Variants in FHOD3 observed in about 807,000 individuals in gnomAD.
The protein encoded by FHOD3 is FH1/FH2 domain-containing protein 3.
In FHOD3, 90 loss-of-function variants were observed where a neutral mutation model predicts 173.0. The ratio of observed to expected loss-of-function variants is 0.52; its 90% confidence interval spans 0.44 to 0.62. The LOEUF is 0.62. FHOD3 is among the 20% of genes least tolerant of loss of function. FHOD3 has a pLI of 0.00. For missense variants in FHOD3, 1,945 were observed against 2,034.7 expected (o/e 0.96, Z 0.85); for synonymous variants, 828 against 823.0 (o/e 1.01, Z -0.10).
At chr18:36,626,349 A>G (rs2034107102) in intron 10 of FHOD3, among the ~76,000 whole-genome samples, 1 of 152,224 alleles carries the variant, frequency 6.6e-6, no homozygotes, top group African/African-American at 2.4e-5. Flanking sequence ...TTTGAGCCTC[A>G]CGTTTGGGCT....
At chr18:36,451,368 C>T (rs2051832474) in intron 3 of FHOD3, among the ~76,000 whole-genome samples, 1 of 152,180 alleles carries the variant, frequency 6.6e-6, no homozygotes, top group African/African-American at 2.4e-5. Flanking sequence ...GAAGCCAGTA[C>T]CAGTTAAAGA....
In FHOD3 at chr18:36,488,919, A is replaced by G. The variant is rs61333359; in HGVS notation, c.338-13013A>G. ...AGATGAAGTAGAGAAAATGGCCCCC[A>G]AGAGCAGGTGGGAGACAGGTTCAGG... On this transcript the variant is annotated intron_variant, in intron 3 of 28. Coordinates refer to ENST00000590592, the MANE Select transcript of FHOD3 (RefSeq NM_001281740.3). Among the ~76,000 whole-genome samples, 467 of 152,254 alleles carry G rather than the reference A, an allele frequency of 3.1e-3. 2 individuals carry two copies. The highest frequency in any genetic ancestry group is 0.011 in the African/African-American group (452 of 41,544).
chr18:36,363,819 A>G (rs1316461582), intron 2 of FHOD3, among the ~76,000 whole-genome samples: 2 of 149,120 alleles, frequency 1.3e-5, no homozygotes, highest in Non-Finnish European at 1.5e-5. Context: ...TAATGTGTCA[A>G]TATCAGTTAA....
rs990777267 is a variant in FHOD3, at chr18:36,707,240, T to C, written c.2237-1855T>C. On this transcript the variant is annotated intron_variant, in intron 17 of 28. Coordinates refer to ENST00000590592, the MANE Select transcript of FHOD3 (RefSeq NM_001281740.3). ...TCCAGTTCCTAAAGCCTTCCCCTCT[T>C]GGGATGCCCAGGAGGGACAGCCCCT... Among the ~76,000 whole-genome samples the C allele has an allele frequency of 3.9e-5, 6 of 152,152 alleles. No individual in the cohort carries two copies. In the South Asian group the frequency reaches 1.0e-3, roughly 26 times the overall value.
chr18:36,765,984 A>G (rs567531102), intron 27 of FHOD3, among the ~76,000 whole-genome samples: 1 of 152,128 alleles, frequency 6.6e-6, no homozygotes, highest in African/African-American at 2.4e-5. Flanking sequence ...GAAACTTAGG[A>G]AATCCAAGAA....
At chr18:36,618,996 T>A (rs1482573524) in intron 9 of FHOD3, among the ~76,000 whole-genome samples, 1 of 152,214 alleles carries the variant, frequency 6.6e-6, no homozygotes, top group East Asian at 1.9e-4. Flanking sequence ...ATATTCACCC[T>A]AGTGAAGTCA....
At chr18:36,528,688 C>T (rs2056641918) in intron 5 of FHOD3, among the ~76,000 whole-genome samples, 1 of 152,216 alleles carries the variant, frequency 6.6e-6, no homozygotes, top group South Asian at 2.1e-4. Flanking sequence ...ACGCCAGCGC[C>T]ACACGCACAG....
chr18:36,630,189 T>C (rs2034410237), intron 10 of FHOD3, among the ~76,000 whole-genome samples: 2 of 152,166 alleles, frequency 1.3e-5, no homozygotes, highest in Non-Finnish European at 2.9e-5. Context: ...TGGGTCAAAA[T>C]TGACTCTTTT....
At chr18:36,411,987 A>T (rs73418964) in intron 3 of FHOD3, among the ~76,000 whole-genome samples, 99 of 152,356 alleles carry the variant, frequency 6.5e-4, no homozygotes, top group African/African-American at 2.3e-3. Flanking sequence ...CTGGTGGCCC[A>T]TCTGCAGAGC....
In FHOD3 at chr18:36,595,693, C is replaced by T. The variant is rs538868613; in HGVS notation, c.718+795C>T. Reference sequence around the variant, plus strand: ...CAGCAGGCATGCTGCAAACACGTGGCGAAGAACGAGCTTCTGCTCTGGTTT... The same window carrying T: ...CAGCAGGCATGCTGCAAACACGTGGTGAAGAACGAGCTTCTGCTCTGGTTT... On this transcript the variant is annotated intron_variant, in intron 7 of 28. Transcript: ENST00000590592. 8.5e-5 allele frequency among the ~76,000 whole-genome samples: 13 copies of T among 152,308 alleles called. No homozygotes were observed. In the South Asian group the frequency reaches 1.7e-3, roughly 19 times the overall value.
At chr18:36,585,252 T>C (rs1019876407) in intron 6 of FHOD3, among the ~76,000 whole-genome samples, 43 of 152,344 alleles carry the variant, frequency 2.8e-4, no homozygotes, top group African/African-American at 1.0e-3. Flanking sequence ...TTATATTCGA[T>C]GAGATTTCTA....
At chr18:36,769,485 T>C in intron 28 of FHOD3, 59 bp downstream of exon 28, 1 of 1,561,162 alleles carries the variant, frequency 6.4e-7, no homozygotes, top group Non-Finnish European at 8.7e-7. Flanking sequence ...CCTCCCATTC[T>C]ACGTGAACTG....
At chr18:36,369,132 T>C (rs1051809560) in intron 2 of FHOD3, among the ~76,000 whole-genome samples, 2 of 152,168 alleles carry the variant, frequency 1.3e-5, no homozygotes, top group African/African-American at 2.4e-5. Context: ...AGTATGCCTG[T>C]GATTCTTTAA....
intron 1 of FHOD3, among the ~76,000 whole-genome samples, chr18:36,323,934 T>C (rs993233429): frequency 2.6e-5 from 4 of 152,338 alleles, no homozygotes; most frequent in Admixed American, 1.3e-4. Flanking sequence ...CCAGAACTTG[T>C]AGGGTCAAGA....
chr18:36,656,029 T>A (rs139625714), intron 13 of FHOD3, among the ~76,000 whole-genome samples: 4 of 152,348 alleles, frequency 2.6e-5, no homozygotes, highest in Admixed American at 6.5e-5. Context: ...GATGACAAGC[T>A]GAGCATCCAG....
chr18:36,641,248 C>G (rs1409268033), intron 10 of FHOD3, among the ~76,000 whole-genome samples: 2 of 152,122 alleles, frequency 1.3e-5, no homozygotes, highest in African/African-American at 4.8e-5. Context: ...GCAAGGACTC[C>G]AAGAATGAAA....
At chr18:36,616,397 C>T (rs755360951) in intron 9 of FHOD3, among the ~76,000 whole-genome samples, 1 of 152,088 alleles carries the variant, frequency 6.6e-6, no homozygotes, top group Non-Finnish European at 1.5e-5. Flanking sequence ...GCCTTGATAC[C>T]AACTCCAGGA....
chr18:36,428,986 C>T (rs1306282187), intron 3 of FHOD3, among the ~76,000 whole-genome samples: 2 of 152,050 alleles, frequency 1.3e-5, no homozygotes, highest in South Asian at 4.2e-4. Flanking sequence ...AGCAGTCAGT[C>T]GGGAATGTTA....
At chr18:36,634,262 GT>G (rs2034717581) in intron 10 of FHOD3, among the ~76,000 whole-genome samples, 1 of 152,142 alleles carries the variant, frequency 6.6e-6, no homozygotes, top group Non-Finnish European at 1.5e-5. Context: ...GTGAAGAAGA[GT>G]TTTGGCATCT....
Sources: allele counts gnomAD v4.1 joint callset (sites outside exome capture counted in the v4.1 genomes callset), GRCh38; gene constraint gnomAD v4.1.1; transcripts MANE v1.5; gene names NCBI Gene and HGNC (gene_info 2026-07-23, HGNC 2026-07-21).